Variants in SYBU observed in about 807,000 individuals in gnomAD.
SYBU encodes syntabulin.
A neutral mutation model predicts 35.9 loss-of-function variants in SYBU; 21 were observed. That is an observed-to-expected ratio of 0.58 (90% confidence interval 0.41 to 0.84). The LOEUF is 0.84. SYBU is among the 40% of genes least tolerant of loss of function. SYBU has a pLI of 0.00. For missense variants in SYBU, 768 were observed against 848.2 expected (o/e 0.91, Z 1.17); for synonymous variants, 319 against 324.3 (o/e 0.98, Z 0.18).
At chr8:109,662,219 T>C (rs986031404) in intron 1 of SYBU, among the ~76,000 whole-genome samples, 14 of 152,224 alleles carry the variant, frequency 9.2e-5, no homozygotes, top group Non-Finnish European at 1.9e-4. Flanking sequence ...CCATGAATTT[T>C]AGTTTTCTTA....
At chr8:109,616,976 T>TA (rs531361201) in intron 3 of SYBU, among the ~76,000 whole-genome samples, 35 of 146,278 alleles carry the variant, frequency 2.4e-4, no homozygotes, top group Admixed American at 6.8e-4. Context: ...CCATTTCTAC[T>TA]AAAAAAAAAA....
intron 6 of SYBU, among the ~76,000 whole-genome samples, chr8:109,577,619 C>G (rs1822484812): frequency 6.6e-6 from 1 of 151,642 alleles, no homozygotes; most frequent in Admixed American, 6.6e-5. Flanking sequence ...AAAACAACAA[C>G]AACAAAAAAC....
chr8:109,582,697 G>C (rs1193821881), intron 4 of SYBU, among the ~76,000 whole-genome samples: 1 of 152,162 alleles, frequency 6.6e-6, no homozygotes, highest in Non-Finnish European at 1.5e-5. Context: ...ATCTAGGGTT[G>C]AACTGTGTCA....
chr8:109,602,429 ATTTTTTTT>A (rs751669435), intron 3 of SYBU, among the ~76,000 whole-genome samples: 7 of 132,664 alleles, frequency 5.3e-5, no homozygotes, highest in African/African-American at 2.0e-4. Context: ...CCTCTGTGTA[ATTTTTTTT>A]TTTTTTTTTT....
chr8:109,607,806 A>ACT (rs1334661538), intron 3 of SYBU: 61 of 584,862 alleles, frequency 1.0e-4, no homozygotes, highest in South Asian at 1.6e-4. Flanking sequence ...ACCACAACTA[A>ACT]CTCACACACA....
At chr8:109,650,106 G>C (rs917400915) in intron 1 of SYBU, among the ~76,000 whole-genome samples, 1 of 152,170 alleles carries the variant, frequency 6.6e-6, no homozygotes, top group Non-Finnish European at 1.5e-5. Context: ...GGCAGCTATA[G>C]AGAGAGGATG....
chr8:109,641,887 A>G (rs567780122), intron 2 of SYBU, among the ~76,000 whole-genome samples: 11 of 152,352 alleles, frequency 7.2e-5, no homozygotes, highest in African/African-American at 2.4e-4. Flanking sequence ...ATTGTGGAAG[A>G]CAGTGTGGCG....
chr8:109,616,484 T>C (rs1182891120), intron 3 of SYBU, among the ~76,000 whole-genome samples: 1 of 152,124 alleles, frequency 6.6e-6, no homozygotes, highest in East Asian at 1.9e-4. Context: ...TTATGATTAT[T>C]GAAACAAGGA....
chr8:109,655,224 C>G (rs1369881939), intron 1 of SYBU, among the ~76,000 whole-genome samples: 1 of 152,230 alleles, frequency 6.6e-6, no homozygotes, highest in Non-Finnish European at 1.5e-5. Flanking sequence ...CGTCCAGTTC[C>G]TTTTGCCTTT....
rs2131152167 is a variant in SYBU at position 109,574,285 on chromosome 8, A to C, written c.*621T>G. ...TTTCCAATAAAACACTATATATAATAAGCAAAATAAGTTAGTACATTGTAA... is the reference window on the plus strand; with the variant it reads ...TTTCCAATAAAACACTATATATAATCAGCAAAATAAGTTAGTACATTGTAA... On this transcript the variant is annotated 3_prime_UTR_variant, in exon 7 of 7. Transcript: ENST00000276646. 6.5e-6 allele frequency: 1 copy of C among 152,794 alleles called. No individual in the cohort carries two copies. 9.5% of individuals were successfully genotyped at this position (152,794 alleles called of 1,614,324 possible).
intron 1 of SYBU, among the ~76,000 whole-genome samples, chr8:109,660,166 T>A (rs1320247263): frequency 3.3e-5 from 5 of 152,134 alleles, no homozygotes; most frequent in African/African-American, 7.2e-5. Context: ...TTTTTGTTTA[T>A]AAATCAAAAG....
chr8:109,631,217 T>A (rs1317842761), intron 2 of SYBU, among the ~76,000 whole-genome samples: 2 of 152,116 alleles, frequency 1.3e-5, no homozygotes, highest in Admixed American at 6.6e-5. Context: ...GGAAGGGAGC[T>A]CTTTTTTCTT....
At chr8:109,618,815 GA>G (rs1563729573) in intron 3 of SYBU, 26 bp downstream of exon 3, 3 of 1,606,660 alleles carry the variant, frequency 1.9e-6, no homozygotes, top group Middle Eastern at 1.7e-4. Context: ...TTGTTCTGAT[GA>G]AAACATGACG....
At chr8:109,667,087 T>G (rs1816780318) in intron 1 of SYBU, among the ~76,000 whole-genome samples, 1 of 152,168 alleles carries the variant, frequency 6.6e-6, no homozygotes. Flanking sequence ...TCAAGGATGT[T>G]TACTAAAATT....
At chr8:109,678,213 T>A (rs1347380534) in intron 1 of SYBU, among the ~76,000 whole-genome samples, 1 of 147,406 alleles carries the variant, frequency 6.8e-6, no homozygotes, top group Non-Finnish European at 1.5e-5. Flanking sequence ...ACTTTAAAAG[T>A]CACACTCTTT....
intron 2 of SYBU, among the ~76,000 whole-genome samples, chr8:109,623,497 T>G (rs1812661829): frequency 6.6e-6 from 1 of 152,172 alleles, no homozygotes; most frequent in African/African-American, 2.4e-5. Context: ...TGGAATGGAA[T>G]AGTTTCCAGA....
intron 3 of SYBU, among the ~76,000 whole-genome samples, chr8:109,597,664 T>A (rs1177324198): frequency 6.6e-6 from 1 of 152,050 alleles, no homozygotes; most frequent in African/African-American, 2.4e-5. Flanking sequence ...CAGTGAGCCA[T>A]GAGCATGCCA....
chr8:109,669,345 A>C (rs1453656498), intron 1 of SYBU, among the ~76,000 whole-genome samples: 1 of 79,304 alleles, frequency 1.3e-5, no homozygotes, highest in Non-Finnish European at 2.4e-5. Flanking sequence ...CCGTCAAAAA[A>C]AAAAAAAAAA....
rs192047328 is a variant in SYBU at position 109,671,690 on chromosome 8, T to G, written c.-129+9021A>C. On this transcript the variant is annotated intron_variant, in intron 1 of 5. Coordinates refer to the SYBU transcript ENST00000408889. The stretch of plus-strand genomic sequence containing the variant: ...AATCTCTAATTCAATTTTGGTAGGG[T>G]TCATATCATTTATTTAAATTGGATT... Among the ~76,000 whole-genome samples, 111 of 152,284 alleles carry G rather than the reference T, an allele frequency of 7.3e-4. 1 individual carries two copies. The East Asian group carries it at 0.02, about 28-fold the overall frequency.
Sources: gnomAD v4.1 joint callset for allele counts (sites outside exome capture counted in the v4.1 genomes callset) on GRCh38, gnomAD v4.1.1 for gene constraint, MANE v1.5 for transcripts, NCBI Gene and HGNC (gene_info 2026-07-23, HGNC 2026-07-21) for gene names.